ACAT2: variants seen among roughly 807,000 people sequenced by gnomAD.
ACAT2 encodes the protein acetyl-CoA acetyltransferase 2, also known as acetyl-CoA acetyltransferase, cytosolic.
A neutral mutation model predicts 37.1 loss-of-function variants in ACAT2; 26 were observed. The observed-to-expected ratio is 0.70, with a 90% CI of 0.51 to 0.97. ACAT2 has a LOEUF of 0.97. Among genes scored for constraint, ACAT2 ranks in the 50% least tolerant of loss-of-function variants. The probability of loss-of-function intolerance (pLI) is 0.00; values close to 1 mark genes in which losing one functional copy is unlikely to be tolerated. For synonymous variants in ACAT2, 156 were observed against 163.6 expected (o/e 0.95, Z 0.35); for missense variants, 468 against 489.0 (o/e 0.96, Z 0.40).
At position 159,763,629 on chromosome 6, in the gene ACAT2, CTTTTTTTTTTTTTTTT is replaced by C. The variant is rs765044833; in HGVS notation, c.190+589_190+604del. On this transcript the variant is annotated intron_variant, in intron 2 of 8. Coordinates refer to ENST00000367048, the MANE Select transcript of ACAT2 (RefSeq NM_005891.3). ...ACCACCTACACTGCCTTTTCTTTTC[CTTTTTTTTTTTTTTTT>C]TTTTTTTTTTTTGAGACGGAGTCTC... is the stretch of plus-strand genomic sequence containing the variant. Among the ~76,000 whole-genome samples the C allele has an allele frequency of 1.7e-3, 133 of 76,414 alleles. 2 individuals are homozygous for C. The highest frequency in any genetic ancestry group is 4.3e-3 in the Admixed American group (22 of 5,072). 50.1% of individuals were successfully genotyped at this position (76,414 alleles called of 152,430 possible). A position where few individuals can be genotyped will look rare whatever the true frequency, so the allele number is the denominator to read the frequency against.
intron 4 of ACAT2, among the ~76,000 whole-genome samples, chr6:159,769,810 G>A (rs1016898572): frequency 5.3e-5 from 8 of 152,178 alleles, no homozygotes; most frequent in African/African-American, 1.9e-4. Flanking sequence ...GCTGGAGTTT[G>A]TGGGGCAGAA....
At position 159,775,283 on chromosome 6, in the gene ACAT2, A is replaced by C. The variant is rs1325749070; in HGVS notation, c.604A>C (p.Ile202Leu). 5.6e-6 allele frequency: 9 copies of C among 1,614,066 alleles called. No homozygotes were observed. Among genetic ancestry groups the C allele is most frequent in the Admixed American group, 1.7e-5 (1 of 59,998 alleles). ...AQKAGHFDKE[I>L]VPVLVSTRKG... ...GAAAGCTGGCCATTTTGACAAAGAG[A>C]TTGTACCAGTTTTGGTGTCAACTAG... Residue 202 changes from isoleucine (I) to leucine (L), a missense_variant, in exon 5 of 9, where the codon ATT becomes CTT. By Grantham distance (5) the Ile-to-Leu change is conservative. Transcript: ENST00000367048.
chr6:159,778,574 T>C, intron 8 of ACAT2, 85 bp from the exon 9 acceptor site: 1 of 1,438,084 alleles, frequency 7.0e-7, no homozygotes, highest in Non-Finnish European at 9.6e-7. Flanking sequence ...AGCATGCTGA[T>C]ACATTAAGAG....
At position 159,762,053 on chromosome 6, in the gene ACAT2, G is replaced by A; in HGVS notation, c.-35G>A. On this transcript the variant is annotated 5_prime_UTR_variant, in exon 1 of 9. Transcript: ENST00000367048. ...GAGGAGGAGCTTTGCCTAGCTTGCAGGCAGCGCAGGGCAGACGGCGGCAGG... is the reference window on the plus strand; with the variant it reads ...GAGGAGGAGCTTTGCCTAGCTTGCAAGCAGCGCAGGGCAGACGGCGGCAGG... The A allele has an allele frequency of 6.2e-7, 1 of 1,610,322 alleles. No individual in the cohort carries two copies. Among genetic ancestry groups the A allele is most frequent in the South Asian group, 1.1e-5 (1 of 90,402 alleles).
chr6:159,771,816 A>G (rs1780341357), intron 4 of ACAT2, among the ~76,000 whole-genome samples: 1 of 152,062 alleles, frequency 6.6e-6, no homozygotes, highest in African/African-American at 2.4e-5. Flanking sequence ...CTTGAGTCCA[A>G]GAGTTTGAGT....
chr6:159,778,334 T>C (rs1438462502), intron 8 of ACAT2, 54 bp downstream of exon 8: 16 of 1,289,070 alleles, frequency 1.2e-5, no homozygotes, highest in Non-Finnish European at 1.6e-5. Flanking sequence ...ACAATCCAAT[T>C]TTAAGATAGT....
Position 159,778,226 on chromosome 6 carries a change from C to T in ACAT2, c.969C>T (p.Ala323=), listed in dbSNP as rs1780468166. The change falls in exon 8 of 9, where the codon GCC becomes GCT. Residue 323 remains alanine (A), a synonymous_variant. Transcript: ENST00000367048. ...EDVDIFEINE[A]FAAVSAAIVK... is the part of the protein sequence containing the mutation. ...TTGACATATTTGAAATCAATGAAGC[C>T]TTTGCAGCTGTCTCTGCTGCAATAG... 2 of 1,612,580 alleles carry T rather than the reference C, an allele frequency of 1.2e-6. No individual in the cohort carries two copies. Among genetic ancestry groups the T allele is most frequent in the African/African-American group, 2.7e-5 (2 of 74,970 alleles).
In ACAT2 at chr6:159,778,851, C is replaced by T. The variant is rs1231129899; in HGVS notation, c.*22C>T. On this transcript the variant is annotated 3_prime_UTR_variant, in exon 9 of 9. Coordinates refer to ENST00000367048, the MANE Select transcript of ACAT2 (RefSeq NM_005891.3). ...ATGAATTGCTTAAACTTTGAACAAC[C>T]TCAATTTCTTTTTAAACTAATAAAG... is the stretch of plus-strand genomic sequence containing the variant. 3 of 1,613,492 alleles carry T rather than the reference C, an allele frequency of 1.9e-6. No homozygotes were observed. The highest frequency in any genetic ancestry group is 2.5e-6 in the Non-Finnish European group (3 of 1,179,634).
chr6:159,776,046 G>A, intron 5 of ACAT2, 104 bp from the exon 6 acceptor site: 2 of 1,333,944 alleles, frequency 1.5e-6, no homozygotes, highest in East Asian at 2.4e-5. Context: ...AAACTTTTCT[G>A]CTAAATATGA....
At chr6:159,775,661 T>C (rs1780401233) in intron 5 of ACAT2, 1 of 224,144 alleles carries the variant, frequency 4.5e-6, no homozygotes, top group Non-Finnish European at 8.7e-6. Flanking sequence ...GGACACCCAT[T>C]ACTTCTCGCT....
intron 1 of ACAT2, 42 bp downstream of exon 1, chr6:159,762,184 C>T (rs745986735): frequency 1.3e-6 from 2 of 1,590,954 alleles, no homozygotes; most frequent in African/African-American, 2.7e-5. Flanking sequence ...GAGGCGCCTG[C>T]TGCTTCGGCA....
chr6:159,776,326 G>A (rs749042156), intron 6 of ACAT2, 54 bp downstream of exon 6: 134 of 1,568,878 alleles, frequency 8.5e-5, no homozygotes, highest in Non-Finnish European at 1.1e-4. Flanking sequence ...AATGTCTACC[G>A]AGTGAATATT....
chr6:159,762,658 T>A (rs1408160158), intron 1 of ACAT2: 7 of 1,458,048 alleles, frequency 4.8e-6, no homozygotes, highest in Non-Finnish European at 6.4e-6. Context: ...ATCCAGTCCT[T>A]CGGATTTGGG....
chr6:159,769,394 A>G (rs1390988727), intron 4 of ACAT2, among the ~76,000 whole-genome samples: 1 of 152,134 alleles, frequency 6.6e-6, no homozygotes, highest in Non-Finnish European at 1.5e-5. Flanking sequence ...CTCAACCATA[A>G]CTAGAGGTGG....
Position 159,763,830 on chromosome 6 carries a change from G to A in ACAT2, c.190+777G>A, listed in dbSNP as rs988784006. Among the ~76,000 whole-genome samples the A allele has an allele frequency of 6.0e-5, 9 of 151,108 alleles. No homozygotes were observed. In the East Asian group the frequency reaches 6.0e-4, roughly 10 times the overall value. ...TTACGAAGCAGGGCCGGCCGGGCCC[G>A]GTGGCTCACGCCTGTAATCCCAGCA... On this transcript the variant is annotated intron_variant, in intron 2 of 8. Transcript: ENST00000367048.
intron 2 of ACAT2, 117 bp from the exon 3 acceptor site, chr6:159,766,888 G>C: frequency 7.9e-7 from 1 of 1,269,102 alleles, no homozygotes; most frequent in Non-Finnish European, 1.1e-6. Flanking sequence ...GCACTTACTT[G>C]ACCTGTAGGC....
intron 4 of ACAT2, among the ~76,000 whole-genome samples, chr6:159,773,752 G>A (rs13194896): frequency 0.48 from 73,360 of 152,018 alleles, 19,121 homozygotes; most frequent in Non-Finnish European, 0.58. Context: ...TAAGTAATGA[G>A]AGTAATGAGT....
At chr6:159,764,435 A>C (rs972076018) in intron 2 of ACAT2, among the ~76,000 whole-genome samples, 1 of 149,708 alleles carries the variant, frequency 6.7e-6, no homozygotes, top group Non-Finnish European at 1.5e-5. Flanking sequence ...TTAATTAATT[A>C]ATTATTATTA....
At chr6:159,762,729 G>T in intron 1 of ACAT2, 190 bp from the exon 2 acceptor site, 2 of 1,544,364 alleles carry the variant, frequency 1.3e-6, no homozygotes, top group East Asian at 2.4e-5. Context: ...TCCAGCCCTC[G>T]GCTGCTGCGA....
Sources: gnomAD v4.1 joint callset for allele counts (sites outside exome capture counted in the v4.1 genomes callset) on GRCh38, gnomAD v4.1.1 for gene constraint, MANE v1.5 for transcripts, NCBI Gene and HGNC (gene_info 2026-07-23, HGNC 2026-07-21) for gene names.